The following DACH2 variants were observed in gnomAD, a reference collection of about 807,000 sequenced individuals.
DACH2 encodes dachshund family transcription factor 2, also known as dachshund homolog 2.
DACH2 carries 17 observed loss-of-function variants against 35.8 expected under a neutral mutation model. The ratio of observed to expected loss-of-function variants is 0.48; its 90% CI spans 0.33 to 0.71. DACH2 has a LOEUF of 0.71. Ranked by LOEUF, DACH2 falls within the 30% of genes least tolerant of loss-of-function variation. The pLI is 0.02. For synonymous variants in DACH2, 195 were observed against 177.3 expected, an observed-to-expected ratio of 1.10 and a Z score of -0.79; for missense variants, 469 against 472.7, an observed-to-expected ratio of 0.99 and a Z score of 0.07.
At chrX:86,532,256 T>A (rs2038732807) in intron 3 of DACH2, among the ~76,000 whole-genome samples, 1 of 111,723 alleles carries the variant, frequency 9.0e-6, no homozygotes, top group Non-Finnish European at 1.9e-5. Flanking sequence ...TGGGAAGGCA[T>A]GATTGGTTTT....
chrX:86,344,696 G>A (rs920777508), intron 1 of DACH2, among the ~76,000 whole-genome samples: 6 of 110,513 alleles, frequency 5.4e-5, no homozygotes, highest in East Asian at 2.9e-4. Context: ...CCTAAACACC[G>A]CTTTTATTAT....
At chrX:86,712,441 T>C (rs769569508) in intron 5 of DACH2, among the ~76,000 whole-genome samples, 1 of 110,997 alleles carries the variant, frequency 9.0e-6, no homozygotes, top group Admixed American at 9.7e-5. Context: ...CTTAGCATAA[T>C]GTTCTCCAGA....
intron 3 of DACH2, among the ~76,000 whole-genome samples, chrX:86,649,142 A>G (rs2040449447): frequency 9.0e-6 from 1 of 110,956 alleles, no homozygotes; most frequent in Non-Finnish European, 1.9e-5. Flanking sequence ...CGAATTAAAA[A>G]TATGTGGGGA....
At chrX:86,664,284 A>C (rs2040641481) in intron 4 of DACH2, among the ~76,000 whole-genome samples, 1 of 111,428 alleles carries the variant, frequency 9.0e-6, no homozygotes, top group Non-Finnish European at 1.9e-5. Flanking sequence ...TTCTCAAGAG[A>C]TATATCAAGC....
At chrX:86,662,486 C>T (rs1159611932) in intron 4 of DACH2, among the ~76,000 whole-genome samples, 4 of 110,641 alleles carry the variant, frequency 3.6e-5, no homozygotes, top group Non-Finnish European at 7.6e-5. Flanking sequence ...GTAGTCCCAG[C>T]TAGTCGGGAG....
chrX:86,570,391 G>A, intron 3 of DACH2, among the ~76,000 whole-genome samples: 1 of 111,583 alleles, frequency 9.0e-6, no homozygotes, highest in East Asian at 2.8e-4. Flanking sequence ...TATACATCAT[G>A]GAATACTATG....
chrX:86,343,670 T>C (rs73241027), intron 1 of DACH2, among the ~76,000 whole-genome samples: 168 of 111,858 alleles, frequency 1.5e-3, no homozygotes, highest in Non-Finnish European at 2.4e-3. Flanking sequence ...TTAGAGACTT[T>C]AAGGGTAAGG....
At chrX:86,637,028 T>G (rs1230626404) in intron 3 of DACH2, among the ~76,000 whole-genome samples, 1 of 88,633 alleles carries the variant, frequency 1.1e-5, no homozygotes, top group Non-Finnish European at 2.2e-5. Flanking sequence ...AAAAAAAAAC[T>G]GAGTAACCCC....
chrX:86,450,505 C>G, intron 2 of DACH2, among the ~76,000 whole-genome samples: 1 of 111,283 alleles, frequency 9.0e-6, no homozygotes, highest in African/African-American at 3.3e-5. Flanking sequence ...CATGTCTTTG[C>G]TATTGTGAAT....
At chrX:86,314,271 C>T (rs951620588) in intron 1 of DACH2, among the ~76,000 whole-genome samples, 3 of 111,319 alleles carry the variant, frequency 2.7e-5, no homozygotes, top group Non-Finnish European at 5.6e-5. Context: ...AATTACAACA[C>T]TTTGGGAGGC....
chrX:86,464,510 G>C (rs1646765118), intron 2 of DACH2, among the ~76,000 whole-genome samples: 1 of 109,899 alleles, frequency 9.1e-6, no homozygotes, highest in African/African-American at 3.3e-5. Flanking sequence ...CACACACTAG[G>C]GCCTGTCAGG....
chrX:86,499,663 GT>G (rs2038222117), intron 2 of DACH2, among the ~76,000 whole-genome samples: 1 of 110,696 alleles, frequency 9.0e-6, no homozygotes, highest in African/African-American at 3.3e-5. Flanking sequence ...ACATAGACGT[GT>G]TTTTCATAGT....
At chrX:86,240,449 T>G (rs1267742303) in intron 1 of DACH2, among the ~76,000 whole-genome samples, 1 of 102,156 alleles carries the variant, frequency 9.8e-6, no homozygotes, top group African/African-American at 3.6e-5. Flanking sequence ...TTATTATTAT[T>G]ATTATTATTA....
intron 4 of DACH2, among the ~76,000 whole-genome samples, chrX:86,668,504 C>T (rs2040726089): frequency 8.9e-6 from 1 of 112,043 alleles, no homozygotes; most frequent in African/African-American, 3.2e-5. Context: ...CCCCTATCTT[C>T]TTACAGCAGC....
At chrX:86,419,314 C>A (rs2148155202) in intron 2 of DACH2, among the ~76,000 whole-genome samples, 1 of 111,740 alleles carries the variant, frequency 8.9e-6, no homozygotes, top group African/African-American at 3.3e-5. Flanking sequence ...AAAGACATAC[C>A]CGAGACTGGG....
At chrX:86,635,219 CA>C (rs1230214510) in intron 3 of DACH2, among the ~76,000 whole-genome samples, 2 of 107,940 alleles carry the variant, frequency 1.9e-5, no homozygotes, top group Admixed American at 2.0e-4. Context: ...TCAACATGCA[CA>C]AATCAATAAA....
At chrX:86,544,602 T>C (rs1005026103) in intron 3 of DACH2, among the ~76,000 whole-genome samples, 6 of 111,145 alleles carry the variant, frequency 5.4e-5, no homozygotes, top group African/African-American at 2.0e-4. Context: ...TTAGGGGAAT[T>C]TGTTACCACC....
chrX:86,297,291 A>T (rs1379666477), intron 1 of DACH2, among the ~76,000 whole-genome samples: 1 of 109,931 alleles, frequency 9.1e-6, no homozygotes, highest in African/African-American at 3.3e-5. Context: ...TCTAGCTCTC[A>T]CTCTAATCTG....
At chrX:86,498,157 A>C (rs922151563) in intron 2 of DACH2, among the ~76,000 whole-genome samples, 25 of 112,032 alleles carry the variant, frequency 2.2e-4, no homozygotes, top group Middle Eastern at 9.3e-3. Context: ...TGACTGACTA[A>C]ATAAATGAAA....
Sources: gnomAD v4.1 joint callset for allele counts (sites outside exome capture counted in the v4.1 genomes callset) on GRCh38, gnomAD v4.1.1 for gene constraint, MANE v1.5 for transcripts, NCBI Gene and HGNC (gene_info 2026-07-23, HGNC 2026-07-21) for gene names.